Variants in GABRG3 observed in about 807,000 individuals in gnomAD.
GABRG3 encodes the protein gamma-aminobutyric acid type A receptor subunit gamma3, also known as gamma-aminobutyric acid receptor subunit gamma-3.
GABRG3 carries 25 observed loss-of-function variants against 48.8 expected under a neutral mutation model. The observed-to-expected ratio is 0.51, with a 90% CI of 0.37 to 0.72. GABRG3 has a LOEUF of 0.72. Among genes scored for constraint, GABRG3 ranks in the 30% least tolerant of loss-of-function variants. GABRG3 has a pLI of 0.00. For missense variants in GABRG3, 394 were observed against 577.9 expected (o/e 0.68, Z 3.26); for synonymous variants, 227 against 217.6 (o/e 1.04, Z -0.38).
At position 27,461,891 on chromosome 15, in the gene GABRG3, C is replaced by A. The variant is rs187968442; in HGVS notation, c.575-18759C>A. Among the ~76,000 whole-genome samples the A allele has an allele frequency of 1.3e-4, 20 of 152,210 alleles. 1 individual carries two copies. In the South Asian group the frequency reaches 4.0e-3, roughly 30 times the overall value. Reference sequence around the variant, plus strand: ...CCACTTTTGTCTACACTGGATGTTTCGATACATGTGTTAAAAGTTGCCCAT... The same window carrying A: ...CCACTTTTGTCTACACTGGATGTTTAGATACATGTGTTAAAAGTTGCCCAT... On this transcript the variant is annotated intron_variant, in intron 5 of 9. Transcript: ENST00000615808.
chr15:27,074,705 T>C (rs1012685902), intron 3 of GABRG3, among the ~76,000 whole-genome samples: 5 of 151,992 alleles, frequency 3.3e-5, no homozygotes, highest in African/African-American at 1.2e-4. Flanking sequence ...ATAATAAAAT[T>C]GAAGTTGAGA....
rs557270714 is a variant in GABRG3, at chr15:27,215,494, A to T, written c.271-111315A>T. ...GCAGTTACACTGTCTGCAAGCTCTGACCCAATTTAGGCTCTATGTCTAACC... is the reference window on the plus strand; with the variant it reads ...GCAGTTACACTGTCTGCAAGCTCTGTCCCAATTTAGGCTCTATGTCTAACC... On this transcript the variant is annotated intron_variant, in intron 3 of 9. Coordinates refer to ENST00000615808, the MANE Select transcript of GABRG3 (RefSeq NM_033223.5). 3.3e-5 allele frequency among the ~76,000 whole-genome samples: 5 copies of T among 152,254 alleles called. No homozygotes were observed. The South Asian group carries it at 1.0e-3, about 32-fold the overall frequency.
At chr15:27,049,841 A>G (rs898025969) in intron 3 of GABRG3, among the ~76,000 whole-genome samples, 1 of 152,208 alleles carries the variant, frequency 6.6e-6, no homozygotes, top group African/African-American at 2.4e-5. Flanking sequence ...ATGAAAGGTC[A>G]TATCCACCTG....
intron 3 of GABRG3, among the ~76,000 whole-genome samples, chr15:27,122,067 C>T (rs983346393): frequency 1.3e-5 from 2 of 152,060 alleles, no homozygotes; most frequent in African/African-American, 4.8e-5. Flanking sequence ...TAACTTTAGT[C>T]AAAATAATTG....
At chr15:27,448,107 A>G (rs1227212270) in intron 5 of GABRG3, among the ~76,000 whole-genome samples, 1 of 147,500 alleles carries the variant, frequency 6.8e-6, no homozygotes, top group African/African-American at 2.6e-5. Flanking sequence ...GTATTAAGTA[A>G]AACACCAAAC....
Position 27,196,501 on chromosome 15 carries a change from G to A in GABRG3, c.271-130308G>A, listed in dbSNP as rs1442482252. Among the ~76,000 whole-genome samples, 5 of 152,274 alleles carry A rather than the reference G, an allele frequency of 3.3e-5. No homozygotes were observed. In the East Asian group the frequency reaches 9.7e-4, roughly 29 times the overall value. On this transcript the variant is annotated intron_variant, in intron 3 of 9. Coordinates refer to ENST00000615808, the MANE Select transcript of GABRG3 (RefSeq NM_033223.5). Reference sequence around the variant, plus strand: ...AATTATGTATAACCTCCTCCCCAGGGAATTAAGGGCTCTTGTTTCTAAAAT... The same window carrying A: ...AATTATGTATAACCTCCTCCCCAGGAAATTAAGGGCTCTTGTTTCTAAAAT...
intron 3 of GABRG3, among the ~76,000 whole-genome samples, chr15:27,167,215 C>G (rs1490500563): frequency 6.6e-6 from 1 of 152,174 alleles, no homozygotes; most frequent in South Asian, 2.1e-4. Context: ...CCTGGGCCTC[C>G]TCTGTCATGG....
chr15:27,279,898 T>C (rs879771344), intron 3 of GABRG3, among the ~76,000 whole-genome samples: 11 of 152,212 alleles, frequency 7.2e-5, no homozygotes, highest in Non-Finnish European at 1.2e-4. Flanking sequence ...AGGATGTCTT[T>C]CTGTTTATAT....
At chr15:27,009,288 T>C (rs781200159) in intron 2 of GABRG3, among the ~76,000 whole-genome samples, 3 of 152,206 alleles carry the variant, frequency 2.0e-5, no homozygotes, top group Non-Finnish European at 4.4e-5. Flanking sequence ...GGGAATCTTT[T>C]TGCTTTTCTT....
At chr15:27,209,719 T>C (rs1178646994) in intron 3 of GABRG3, among the ~76,000 whole-genome samples, 1 of 152,198 alleles carries the variant, frequency 6.6e-6, no homozygotes, top group African/African-American at 2.4e-5. Flanking sequence ...GGGAATTTGC[T>C]GGTGGCTGGG....
At chr15:27,374,663 A>G (rs144776760) in intron 5 of GABRG3, among the ~76,000 whole-genome samples, 3 of 152,272 alleles carry the variant, frequency 2.0e-5, no homozygotes, top group Admixed American at 6.5e-5. Context: ...GCAAAGGTAG[A>G]CAATAAGGAA....
At chr15:27,083,922 C>T (rs1318049156) in intron 3 of GABRG3, among the ~76,000 whole-genome samples, 1 of 152,224 alleles carries the variant, frequency 6.6e-6, no homozygotes, top group East Asian at 1.9e-4. Flanking sequence ...AAGCTGCCAA[C>T]CTTTCCCTGT....
intron 3 of GABRG3, among the ~76,000 whole-genome samples, chr15:27,093,366 G>C (rs989660222): frequency 2.6e-5 from 4 of 152,166 alleles, no homozygotes; most frequent in African/African-American, 9.7e-5. Flanking sequence ...ATAATAGTCA[G>C]GAGTTCTGAG....
chr15:27,317,461 C>T (rs1453578505), intron 3 of GABRG3, among the ~76,000 whole-genome samples: 1 of 152,162 alleles, frequency 6.6e-6, no homozygotes, highest in Admixed American at 6.5e-5. Context: ...CTCTTTATCT[C>T]AGTTTCTTCT....
intron 3 of GABRG3, among the ~76,000 whole-genome samples, chr15:27,107,685 C>T (rs911532676): frequency 6.6e-6 from 1 of 151,780 alleles, no homozygotes; most frequent in Non-Finnish European, 1.5e-5. Context: ...GTTTTTTTCT[C>T]TATGGATGGC....
intron 3 of GABRG3, among the ~76,000 whole-genome samples, chr15:27,076,808 C>T (rs912415367): frequency 6.6e-6 from 1 of 152,154 alleles, no homozygotes; most frequent in Non-Finnish European, 1.5e-5. Context: ...AATGATTCTG[C>T]CCCAGAGCTC....
chr15:27,299,065 C>A (rs1219488826), intron 3 of GABRG3, among the ~76,000 whole-genome samples: 1 of 152,168 alleles, frequency 6.6e-6, no homozygotes, highest in Non-Finnish European at 1.5e-5. Flanking sequence ...AGATGGATCA[C>A]CTGAGGTCAG....
intron 3 of GABRG3, among the ~76,000 whole-genome samples, chr15:27,215,489 C>G (rs1257182878): frequency 6.6e-6 from 1 of 152,192 alleles, no homozygotes; most frequent in African/African-American, 2.4e-5. Flanking sequence ...TGTCTGCAAG[C>G]TCTGACCCAA....
At chr15:27,501,113 A>G (rs566374269) in intron 6 of GABRG3, among the ~76,000 whole-genome samples, 42 of 152,084 alleles carry the variant, frequency 2.8e-4, no homozygotes, top group Admixed American at 1.0e-3. Context: ...CACCACGCCC[A>G]GCAAATTTTT....
Sources: gnomAD v4.1 joint callset for allele counts (sites outside exome capture counted in the v4.1 genomes callset) on GRCh38, gnomAD v4.1.1 for gene constraint, MANE v1.5 for transcripts, NCBI Gene and HGNC (gene_info 2026-07-23, HGNC 2026-07-21) for gene names.